The following HKDC1 variants were observed in gnomAD, a reference collection of about 807,000 sequenced individuals.
HKDC1 encodes hexokinase HKDC1.
In HKDC1, 66 loss-of-function variants were observed where a neutral mutation model predicts 96.6. That is an observed-to-expected ratio of 0.68 (90% CI 0.56 to 0.84). HKDC1 has a LOEUF of 0.84. Among genes scored for constraint, HKDC1 ranks in the 40% least tolerant of loss-of-function variants. The pLI, the probability that HKDC1 is intolerant of heterozygous loss-of-function variation, is 0.00. For synonymous variants in HKDC1, 466 were observed against 473.1 expected (o/e 0.98, Z 0.20); for missense variants, 1,211 against 1,208.1 (o/e 1.00, Z -0.04).
At chr10:69,240,975 T>A (rs1843449016) in intron 6 of HKDC1, among the ~76,000 whole-genome samples, 1 of 152,088 alleles carries the variant, frequency 6.6e-6, no homozygotes, top group Non-Finnish European at 1.5e-5. Flanking sequence ...AGTGGGGAGT[T>A]CCTGTGCTCC....
At position 69,257,052 on chromosome 10, in the gene HKDC1, G is replaced by A; in HGVS notation, c.1853G>A (p.Trp618Ter). The part of the protein sequence containing the change: ...MSIDKGTLIG[W>*]TKGFKATDCE... ...TTCTTTCAGGGAACACTCATAGGGTGGACCAAAGGTTTCAAGGCCACTGAC... is the reference window on the plus strand; with the variant it reads ...TTCTTTCAGGGAACACTCATAGGGTAGACCAAAGGTTTCAAGGCCACTGAC... Residue 618 changes from tryptophan (W) to a stop codon, truncating the protein, a stop_gained, in exon 13 of 18, where the codon TGG (tryptophan) becomes TAG (stop). Coordinates refer to ENST00000354624, the MANE Select transcript of HKDC1 (RefSeq NM_025130.4). LOFTEE classifies it high-confidence loss of function. 1.9e-6 allele frequency: 3 copies of A among 1,613,936 alleles called. No homozygotes were observed. The highest frequency in any genetic ancestry group is 2.5e-6 in the Non-Finnish European group (3 of 1,179,824).
At chr10:69,244,081 A>T (rs1843499404) in intron 7 of HKDC1, among the ~76,000 whole-genome samples, 1 of 152,048 alleles carries the variant, frequency 6.6e-6, no homozygotes, top group African/African-American at 2.4e-5. Context: ...TCGGAGGCCT[A>T]ATCACTCAGC....
intron 15 of HKDC1, 108 bp downstream of exon 15, chr10:69,259,067 C>A: frequency 7.2e-6 from 6 of 838,440 alleles, no homozygotes; most frequent in South Asian, 2.8e-5. Context: ...TTACAGCTGT[C>A]GAATGTCAGT....
chr10:69,255,189 C>T (rs751106769), intron 12 of HKDC1, among the ~76,000 whole-genome samples: 2 of 152,106 alleles, frequency 1.3e-5, no homozygotes, highest in African/African-American at 2.4e-5. Context: ...AGGGGAGACC[C>T]GTGGGCAGCT....
intron 7 of HKDC1, among the ~76,000 whole-genome samples, chr10:69,244,580 C>T (rs544338078): frequency 3.9e-5 from 6 of 152,220 alleles, no homozygotes; most frequent in Admixed American, 3.9e-4. Flanking sequence ...CTTTGGGAGG[C>T]TGAGGTGGGA....
At chr10:69,245,096 G>T (rs1057305381) in intron 7 of HKDC1, among the ~76,000 whole-genome samples, 1 of 152,102 alleles carries the variant, frequency 6.6e-6, no homozygotes, top group Non-Finnish European at 1.5e-5. Flanking sequence ...TAGAGACAGG[G>T]TTTCACCATA....
rs541792195 is a variant in HKDC1, at chr10:69,248,435, G to A, written c.1277G>A (p.Arg426His). Residue 426 changes from arginine to histidine, a missense_variant, in exon 10 of 18, where the codon CGC becomes CAC. Transcript: ENST00000354624. ...CACCCCTGCTTCAGGTACCCAAAAC[G>A]CCTGCACAAGGTGGTGAGGAAACTG... ...LYKIHPQYPK[R>H]LHKVVRKLVP... 1.6e-5 allele frequency: 25 copies of A among 1,558,776 alleles called. No homozygotes were observed. The Admixed American group carries it at 3.2e-4, about 20-fold the overall frequency.
chr10:69,220,529 C>T (rs1344090516), intron 1 of HKDC1, 31 bp downstream of exon 1: 3 of 1,470,072 alleles, frequency 2.0e-6, no homozygotes, highest in Admixed American at 2.2e-5. Context: ...TGAGAGATGC[C>T]CAGCTCCTTC....
chr10:69,251,246 C>T (rs1465483650), intron 12 of HKDC1, among the ~76,000 whole-genome samples: 1 of 151,804 alleles, frequency 6.6e-6, no homozygotes, highest in Admixed American at 6.6e-5. Context: ...AGGCACCTAC[C>T]TCCACGCCTG....
intron 10 of HKDC1, among the ~76,000 whole-genome samples, chr10:69,249,653 A>G (rs1003880785): frequency 3.3e-5 from 5 of 151,800 alleles, no homozygotes; most frequent in African/African-American, 7.3e-5. Flanking sequence ...CCAGCACCAC[A>G]CCCGGATAAT....
intron 12 of HKDC1, 51 bp from the exon 13 acceptor site, chr10:69,256,985 A>C: frequency 7.4e-7 from 1 of 1,352,696 alleles, no homozygotes; most frequent in South Asian, 1.2e-5. Context: ...GAGGTTGTGC[A>C]GTGGCCCTAG....
chr10:69,237,055 C>CAA (rs1491299668), intron 4 of HKDC1, among the ~76,000 whole-genome samples: 3 of 152,016 alleles, frequency 2.0e-5, no homozygotes, highest in African/African-American at 7.3e-5. Flanking sequence ...CTCTGTTCAG[C>CAA]TCCATGACTG....
chr10:69,249,350 C>CT (rs1843598747), intron 10 of HKDC1, among the ~76,000 whole-genome samples: 1 of 152,208 alleles, frequency 6.6e-6, no homozygotes, highest in Non-Finnish European at 1.5e-5. Context: ...CTCACAACCA[C>CT]TTGGAACGTT....
chr10:69,251,246 C>A (rs1465483650), intron 12 of HKDC1, among the ~76,000 whole-genome samples: 2 of 151,804 alleles, frequency 1.3e-5, no homozygotes, highest in Non-Finnish European at 2.9e-5. Flanking sequence ...AGGCACCTAC[C>A]TCCACGCCTG....
In HKDC1 at chr10:69,250,651, A is replaced by G. The variant is rs200080595; in HGVS notation, c.1835A>G (p.Lys612Arg). 8 of 1,613,416 alleles carry G rather than the reference A, an allele frequency of 5.0e-6. No individual in the cohort carries two copies. In the African/African-American group the frequency reaches 8.0e-5, roughly 16 times the overall value. The change falls in exon 12 of 18, where the codon AAG becomes AGG. Residue 612 changes from lysine (K) to arginine (R), a missense_variant and splice_region_variant. Lys to Arg is a conservative substitution (Grantham distance 26). Coordinates refer to ENST00000354624, the MANE Select transcript of HKDC1 (RefSeq NM_025130.4). ...SFPCRQMSID[K>R]GTLIGWTKGF... ...CCCTGCAGGCAGATGAGCATTGACAAGGTAAGATAGCCCCACCAGGCTCAC... is the reference window on the plus strand; with the variant it reads ...CCCTGCAGGCAGATGAGCATTGACAGGGTAAGATAGCCCCACCAGGCTCAC...
chr10:69,263,303 C>G (rs554127606), intron 16 of HKDC1, among the ~76,000 whole-genome samples: 18 of 152,198 alleles, frequency 1.2e-4, no homozygotes, highest in Non-Finnish European at 2.1e-4. Context: ...TTCACCATGT[C>G]GCCCAGGTTG....
chr10:69,227,467 T>A, intron 2 of HKDC1, 98 bp downstream of exon 2: 1 of 1,301,338 alleles, frequency 7.7e-7, no homozygotes, highest in Non-Finnish European at 1.1e-6. Flanking sequence ...CTTCTCTCTC[T>A]AGCCCTCTCT....
intron 1 of HKDC1, among the ~76,000 whole-genome samples, chr10:69,224,203 G>C (rs1279500170): frequency 4.6e-5 from 7 of 151,854 alleles, no homozygotes; most frequent in Non-Finnish European, 1.0e-4. Context: ...GCAAGACCCT[G>C]TCTCAAAAAT....
intron 14 of HKDC1, 91 bp downstream of exon 14, chr10:69,257,517 T>A (rs564850160): frequency 1.9e-6 from 2 of 1,034,818 alleles, no homozygotes; most frequent in East Asian, 4.7e-5. Context: ...CATTGTTCCA[T>A]TATACAGAGG....
Sources: gnomAD v4.1 joint callset for allele counts (sites outside exome capture counted in the v4.1 genomes callset) on GRCh38, gnomAD v4.1.1 for gene constraint, MANE v1.5 for transcripts, NCBI Gene and HGNC (gene_info 2026-07-23, HGNC 2026-07-21) for gene names.